MYZAP: variants seen among roughly 807,000 people sequenced by gnomAD.
The protein encoded by MYZAP is myocardial zonula adherens protein.
A neutral mutation model predicts 69.4 loss-of-function variants in MYZAP; 66 were observed. That is an observed-to-expected ratio of 0.95 (90% CI 0.78 to 1.17). The LOEUF is 1.17. MYZAP is among the 50% of genes most tolerant of loss of function. The pLI, the probability that MYZAP is intolerant of heterozygous loss-of-function variation, is 0.00. For missense variants in MYZAP, 611 were observed against 556.2 expected, an observed-to-expected ratio of 1.10 and a Z score of -0.99; for synonymous variants, 256 against 205.9, an observed-to-expected ratio of 1.24 and a Z score of -2.09.
intron 1 of MYZAP, among the ~76,000 whole-genome samples, chr15:57,592,617 G>A (rs1161124631): frequency 2.6e-5 from 4 of 152,204 alleles, no homozygotes; most frequent in Non-Finnish European, 4.4e-5. Context: ...GAGCCCGACT[G>A]TGTGGGACTC....
chr15:57,599,370 C>A, intron 1 of MYZAP: 1 of 712,900 alleles, frequency 1.4e-6, no homozygotes, highest in Non-Finnish European at 1.7e-6. Flanking sequence ...TTTTTTTTGC[C>A]ATCGTCGTAC....
chr15:57,675,348 C>A (rs2039065455), intron 12 of MYZAP, among the ~76,000 whole-genome samples: 1 of 152,098 alleles, frequency 6.6e-6, no homozygotes, highest in South Asian at 2.1e-4. Flanking sequence ...TTCCTTCATT[C>A]ATTCAACTAA....
chr15:57,666,889 A>T (rs1160241900), intron 11 of MYZAP, among the ~76,000 whole-genome samples: 1 of 152,096 alleles, frequency 6.6e-6, no homozygotes, highest in Non-Finnish European at 1.5e-5. Flanking sequence ...TCTTTTTTTC[A>T]AACAATTTTT....
chr15:57,675,758 G>A (rs1438138195), intron 12 of MYZAP, among the ~76,000 whole-genome samples: 1 of 152,124 alleles, frequency 6.6e-6, no homozygotes, highest in East Asian at 1.9e-4. Flanking sequence ...ACAGTAACCT[G>A]CCTCTGATAA....
At chr15:57,641,271 A>C (rs765851739) in intron 10 of MYZAP, among the ~76,000 whole-genome samples, 3 of 152,142 alleles carry the variant, frequency 2.0e-5, no homozygotes, top group Non-Finnish European at 2.9e-5. Flanking sequence ...TTTAAAAGAC[A>C]TTTTCAAAGA....
At position 57,625,768 on chromosome 15, in the gene MYZAP, G is replaced by A. The variant is rs766250324; in HGVS notation, c.412-11G>A. 10 of 1,613,384 alleles carry A rather than the reference G, an allele frequency of 6.2e-6. No individual in the cohort carries two copies. The highest frequency in any genetic ancestry group is 1.7e-5 in the Admixed American group (1 of 59,980). ...ATTGATTTTGTGTGACTGTCTCCTCGATCTGTCCAGGTTTCCCATGCTCAG... is the reference window on the plus strand; with the variant it reads ...ATTGATTTTGTGTGACTGTCTCCTCAATCTGTCCAGGTTTCCCATGCTCAG... On this transcript the variant is annotated splice_polypyrimidine_tract_variant and intron_variant, in intron 4 of 12. Transcript: ENST00000267853.
intron 7 of MYZAP, among the ~76,000 whole-genome samples, 155 bp downstream of exon 7, chr15:57,632,714 C>G (rs2036581703): frequency 6.6e-6 from 1 of 151,766 alleles, no homozygotes; most frequent in Non-Finnish European, 1.5e-5. Context: ...TCATTCACTC[C>G]CCTCCCCTCT....
At chr15:57,651,755 C>G (rs1397175954) in intron 10 of MYZAP, among the ~76,000 whole-genome samples, 2 of 152,186 alleles carry the variant, frequency 1.3e-5, no homozygotes, top group Non-Finnish European at 2.9e-5. Context: ...GCTAAGCCAG[C>G]AAAGTTCCTG....
intron 10 of MYZAP, chr15:57,648,326 A>G (rs965351068): frequency 3.0e-6 from 3 of 985,286 alleles, no homozygotes; most frequent in African/African-American, 1.7e-5. Context: ...CATTGAATCT[A>G]TGTTCTCTTT....
chr15:57,629,911 C>T (rs1352949864), intron 6 of MYZAP, 57 bp downstream of exon 6: 49 of 1,567,132 alleles, frequency 3.1e-5, no homozygotes, highest in Non-Finnish European at 3.8e-5. Flanking sequence ...TTTACTTCTC[C>T]CTTTTCTCTT....
At chr15:57,657,018 A>T (rs1179249570) in intron 10 of MYZAP, among the ~76,000 whole-genome samples, 1 of 151,550 alleles carries the variant, frequency 6.6e-6, no homozygotes, top group Non-Finnish European at 1.5e-5. Context: ...TCTCTATAGC[A>T]CTCTCTCTAG....
chr15:57,658,436 T>C (rs2554041), intron 10 of MYZAP, among the ~76,000 whole-genome samples: 21,454 of 152,242 alleles, frequency 0.14, 1,559 homozygotes, highest in Middle Eastern at 0.18. Context: ...CTTCTGATGC[T>C]TTGTTCCAAT....
chr15:57,646,452 A>C, intron 10 of MYZAP: 1 of 1,051,044 alleles, frequency 9.5e-7, no homozygotes, highest in South Asian at 3.1e-5. Flanking sequence ...TATTTTTAGG[A>C]ACTTGAGTAG....
At chr15:57,678,631 T>C (rs1464693446) in intron 12 of MYZAP, among the ~76,000 whole-genome samples, 1 of 152,122 alleles carries the variant, frequency 6.6e-6, no homozygotes, top group Non-Finnish European at 1.5e-5. Context: ...GGCTCTTCAG[T>C]TAAACTCTCT....
chr15:57,676,408 A>ATG (rs1200174482), intron 12 of MYZAP, among the ~76,000 whole-genome samples: 1 of 12,416 alleles, frequency 8.1e-5, no homozygotes, highest in African/African-American at 1.3e-4. Context: ...ATATATATAT[A>ATG]TGTATATATA....
At chr15:57,621,024 AT>A (rs1299190783) in intron 3 of MYZAP, among the ~76,000 whole-genome samples, 1 of 148,066 alleles carries the variant, frequency 6.8e-6, no homozygotes, top group African/African-American at 2.5e-5. Flanking sequence ...TATATTCTAT[AT>A]TAATATATGC....
Position 57,621,303 on chromosome 15 carries a change from C to T in MYZAP, c.319-305C>T, listed in dbSNP as rs145872614. ...TCGGCTCACTGCAAGCTCCGCCTGC[C>T]GGATTCACGTAATTCTTCTGCCTCA... On this transcript the variant is annotated intron_variant, in intron 3 of 12. Transcript: ENST00000267853. 5.4e-4 allele frequency among the ~76,000 whole-genome samples: 81 copies of T among 150,282 alleles called. 2 individuals are homozygous for T. In the East Asian group the frequency reaches 0.014, roughly 27 times the overall value.
chr15:57,621,414 A>C (rs1364602584), intron 3 of MYZAP, among the ~76,000 whole-genome samples, 194 bp from the exon 4 acceptor site: 3 of 151,666 alleles, frequency 2.0e-5, no homozygotes, highest in African/African-American at 7.3e-5. Context: ...GGGTTTCACC[A>C]TGTCAGCCAG....
chr15:57,616,668 A>G lies in MYZAP; in HGVS notation c.163-1365A>G, dbSNP rs147163704. On this transcript the variant is annotated intron_variant, in intron 2 of 12. Transcript: ENST00000267853. ...ACAAACAAAATACAAAAATGAGCCC[A>G]TGTGGTGGTATACACTTGTAATTCC... is the stretch of plus-strand genomic sequence containing the variant. Among the ~76,000 whole-genome samples the G allele has an allele frequency of 9.2e-5, 14 of 151,762 alleles. No homozygotes were observed. In the East Asian group the frequency reaches 2.3e-3, roughly 25 times the overall value.
Sources: allele counts gnomAD v4.1 joint callset (sites outside exome capture counted in the v4.1 genomes callset), GRCh38; gene constraint gnomAD v4.1.1; transcripts MANE v1.5; gene names NCBI Gene and HGNC (gene_info 2026-07-23, HGNC 2026-07-21).